RARB: variants seen among roughly 807,000 people sequenced by gnomAD.
The protein encoded by RARB is HBV-activated protein.
Under a neutral mutation model 51.9 loss-of-function variants are expected in RARB, and 17 were observed. The ratio of observed to expected loss-of-function variants is 0.33; its 90% CI spans 0.22 to 0.49. RARB has a LOEUF of 0.49. Ranked by LOEUF, RARB falls within the 20% of genes least tolerant of loss-of-function variation. The probability of loss-of-function intolerance (pLI) is 0.99; values close to 1 mark genes in which losing one functional copy is unlikely to be tolerated. For synonymous variants in RARB, 215 were observed against 195.4 expected, an observed-to-expected ratio of 1.10 and a Z score of -0.84; for missense variants, 369 against 550.8, an observed-to-expected ratio of 0.67 and a Z score of 3.30.
intron 5 of RARB, among the ~76,000 whole-genome samples, chr3:25,298,217 C>T (rs1363692954): frequency 2.7e-5 from 4 of 147,884 alleles, no homozygotes; most frequent in African/African-American, 1.0e-4. Context: ...GAATCTCGCT[C>T]TGTCACCCAG....
chr3:24,971,231 T>C (rs1478580831), intron 2 of RARB, among the ~76,000 whole-genome samples: 2 of 152,110 alleles, frequency 1.3e-5, no homozygotes, highest in South Asian at 2.1e-4. Context: ...ATCTATGAAA[T>C]GGTTACCATT....
chr3:25,379,827 C>T (rs76608795), intron 5 of RARB, among the ~76,000 whole-genome samples: 10 of 152,182 alleles, frequency 6.6e-5, no homozygotes, highest in East Asian at 5.8e-4. Flanking sequence ...TTCTTAGTGG[C>T]GCATGAGTTA....
intron 5 of RARB, among the ~76,000 whole-genome samples, chr3:25,310,288 G>A (rs991116830): frequency 4.6e-5 from 7 of 152,166 alleles, no homozygotes; most frequent in Non-Finnish European, 7.3e-5. Context: ...AAATAGTCCT[G>A]AATTTTTTAA....
At chr3:25,408,470 G>C (rs1351781) in intron 5 of RARB, among the ~76,000 whole-genome samples, 1 of 151,884 alleles carries the variant, frequency 6.6e-6, no homozygotes, top group African/African-American at 2.4e-5. Flanking sequence ...AGAACAGTAA[G>C]GGGGAAATCC....
At chr3:25,170,883 C>G (rs1479484020) in intron 4 of RARB, among the ~76,000 whole-genome samples, 1 of 152,046 alleles carries the variant, frequency 6.6e-6, no homozygotes, top group African/African-American at 2.4e-5. Context: ...TTACCAAGAC[C>G]CTACCACTAA....
At chr3:25,169,238 A>G (rs1700605065) in intron 4 of RARB, among the ~76,000 whole-genome samples, 1 of 152,348 alleles carries the variant, frequency 6.6e-6, no homozygotes, top group South Asian at 2.1e-4. Context: ...AAAGAAAGAC[A>G]TGAGTTTCAG....
At chr3:25,539,341 G>C (rs1559457532) in intron 3 of RARB, among the ~76,000 whole-genome samples, 2 of 151,964 alleles carry the variant, frequency 1.3e-5, no homozygotes, top group African/African-American at 4.8e-5. Context: ...CTACCTGTTG[G>C]CCCTATATCT....
chr3:25,194,156 A>G (rs1192715982), intron 5 of RARB, among the ~76,000 whole-genome samples: 5 of 151,904 alleles, frequency 3.3e-5, no homozygotes, highest in African/African-American at 1.2e-4. Flanking sequence ...AGCCAGACAT[A>G]GAAAAATACT....
chr3:25,162,074 G>C (rs1267463086), intron 4 of RARB, among the ~76,000 whole-genome samples: 2 of 152,106 alleles, frequency 1.3e-5, no homozygotes, highest in Non-Finnish European at 1.5e-5. Context: ...GTGTGGGTTG[G>C]TTTGTGTATG....
intron 5 of RARB, among the ~76,000 whole-genome samples, chr3:25,374,464 T>C (rs1297565532): frequency 6.6e-6 from 1 of 152,116 alleles, no homozygotes; most frequent in Admixed American, 6.6e-5. Flanking sequence ...TTATCATGCC[T>C]AGCTTGAAGG....
At chr3:25,478,338 G>A (rs1696060387) in intron 2 of RARB, among the ~76,000 whole-genome samples, 1 of 152,224 alleles carries the variant, frequency 6.6e-6, no homozygotes, top group African/African-American at 2.4e-5. Context: ...AGCTGCTGCA[G>A]ACTGAGTTTA....
chr3:25,433,300 G>T (rs886221475), intron 1 of RARB, among the ~76,000 whole-genome samples: 38 of 8,288 alleles, frequency 4.6e-3, no homozygotes, highest in African/African-American at 0.015. Context: ...CCTAGGAGTG[G>T]CACAGAAAGT....
Position 24,989,722 on chromosome 3 carries a change from C to T in RARB, c.-379-70403C>T, listed in dbSNP as rs1696868938. On this transcript the variant is annotated intron_variant, in intron 2 of 11. Coordinates refer to the RARB transcript ENST00000383772. ...CATGCACAAAGCACAGATAGGTGCC[C>T]AGTCTATAGCTTAATTTCCAACTTT... is the stretch of plus-strand genomic sequence containing the variant. Among the ~76,000 whole-genome samples, 2 of 102,750 alleles carry T rather than the reference C, an allele frequency of 1.9e-5. 1 individual carries two copies. The highest frequency in any genetic ancestry group is 7.3e-4 in the South Asian group (2 of 2,722). The allele number at this position is 102,750 out of a possible 152,430, so 67.4% of individuals were successfully genotyped here.
At chr3:25,350,048 G>A (rs1047985831) in intron 5 of RARB, among the ~76,000 whole-genome samples, 2 of 152,226 alleles carry the variant, frequency 1.3e-5, no homozygotes, top group Admixed American at 6.5e-5. Flanking sequence ...GGGTAGTAGG[G>A]CTTCTTACAA....
chr3:25,494,909 A>T (rs1469655203), intron 2 of RARB, among the ~76,000 whole-genome samples: 2 of 152,248 alleles, frequency 1.3e-5, no homozygotes, highest in Admixed American at 6.5e-5. Flanking sequence ...GACGCCTGCT[A>T]TGTGGCCAGA....
chr3:25,168,566 G>GT (rs1453705875), intron 4 of RARB, among the ~76,000 whole-genome samples: 1 of 151,840 alleles, frequency 6.6e-6, no homozygotes, highest in Non-Finnish European at 1.5e-5. Flanking sequence ...CAGAAAATAC[G>GT]TGGCAGTCAT....
At chr3:25,250,336 C>A (rs1340638344) in intron 5 of RARB, among the ~76,000 whole-genome samples, 1 of 152,130 alleles carries the variant, frequency 6.6e-6, no homozygotes, top group Non-Finnish European at 1.5e-5. Context: ...CTAGGGTAGA[C>A]AGGGATAGGG....
At chr3:25,430,802 G>C (rs956009667) in intron 1 of RARB, among the ~76,000 whole-genome samples, 16 of 152,008 alleles carry the variant, frequency 1.1e-4, no homozygotes, top group African/African-American at 3.9e-4. Flanking sequence ...TTGTAAGCAG[G>C]GCAATTAGTT....
intron 2 of RARB, among the ~76,000 whole-genome samples, chr3:25,014,921 T>G (rs554488512): frequency 6.6e-6 from 1 of 152,342 alleles, no homozygotes; most frequent in East Asian, 1.9e-4. Flanking sequence ...TACTTCTGTT[T>G]CTATTTGTCT....
Sources: allele counts gnomAD v4.1 joint callset (sites outside exome capture counted in the v4.1 genomes callset), GRCh38; gene constraint gnomAD v4.1.1; transcripts MANE v1.5; gene names NCBI Gene and HGNC (gene_info 2026-07-23, HGNC 2026-07-21).